MGAM2: variants seen among roughly 807,000 people sequenced by gnomAD.
The protein encoded by MGAM2 is maltase-glucoamylase 2 (putative).
Under a neutral mutation model 96.1 loss-of-function variants are expected in MGAM2, and 98 were observed. That is an observed-to-expected ratio of 1.02 (90% CI 0.87 to 1.21). The LOEUF is 1.21. MGAM2 is among the 50% of genes most tolerant of loss of function. The pLI, the probability that MGAM2 is intolerant of heterozygous loss-of-function variation, is 0.00. For synonymous variants in MGAM2, 749 were observed against 414.8 expected (o/e 1.81, Z -9.79); for missense variants, 2,055 against 1,182.4 (o/e 1.74, Z -10.82).
chr7:142,124,340 C>A (rs1206180017), intron 3 of MGAM2, among the ~76,000 whole-genome samples: 1 of 151,966 alleles, frequency 6.6e-6, no homozygotes, highest in Non-Finnish European at 1.5e-5. Flanking sequence ...ATCTTTTTCC[C>A]TCTGCATTTT....
intron 37 of MGAM2, among the ~76,000 whole-genome samples, chr7:142,194,687 C>CGTGTGTGTGT (rs201949167): frequency 8.5e-5 from 10 of 118,230 alleles, no homozygotes; most frequent in Admixed American, 5.8e-4. Flanking sequence ...TTTAATAGAA[C>CGTGTGTGTGT]ATGTGTGTAT....
chr7:142,138,138 C>G (rs752564547), intron 9 of MGAM2, among the ~76,000 whole-genome samples: 8 of 152,190 alleles, frequency 5.3e-5, no homozygotes, highest in Non-Finnish European at 8.8e-5. Flanking sequence ...TTACCCTTTG[C>G]ACACACCACT....
chr7:142,165,190 C>A (rs1563270177), intron 24 of MGAM2, among the ~76,000 whole-genome samples, 167 bp downstream of exon 24: 2 of 152,132 alleles, frequency 1.3e-5, no homozygotes, highest in Admixed American at 6.5e-5. Flanking sequence ...TAAAGAAAGA[C>A]CTCTCTGCTT....
chr7:142,180,087 G>A (rs1055820483), intron 32 of MGAM2, among the ~76,000 whole-genome samples: 2 of 152,098 alleles, frequency 1.3e-5, no homozygotes, highest in African/African-American at 4.8e-5. Flanking sequence ...AGTCTTGGGA[G>A]GTTGTGTGTT....
At chr7:142,157,148 A>T (rs1311403968) in intron 17 of MGAM2, among the ~76,000 whole-genome samples, 1 of 152,208 alleles carries the variant, frequency 6.6e-6, no homozygotes, top group Non-Finnish European at 1.5e-5. Context: ...ATACAAGCAC[A>T]TGGAAAGGAA....
intron 35 of MGAM2, among the ~76,000 whole-genome samples, chr7:142,186,991 T>G (rs921771383): frequency 4.0e-5 from 6 of 151,796 alleles, no homozygotes; most frequent in African/African-American, 1.5e-4. Flanking sequence ...GGGAAAGCTG[T>G]AGCTGGGTAA....
intron 33 of MGAM2, among the ~76,000 whole-genome samples, chr7:142,184,238 G>T (rs57983594): frequency 6.6e-6 from 1 of 151,886 alleles, no homozygotes; most frequent in Non-Finnish European, 1.5e-5. Context: ...CTCCCAAAGC[G>T]CTGGGATTAC....
At chr7:142,192,204 A>G (rs1332228214) in intron 37 of MGAM2, among the ~76,000 whole-genome samples, 2 of 152,128 alleles carry the variant, frequency 1.3e-5, no homozygotes, top group East Asian at 1.9e-4. Flanking sequence ...CAGGGGCAAC[A>G]TGGTCTTCCA....
At chr7:142,135,859 T>C (rs1321062121) in intron 7 of MGAM2, among the ~76,000 whole-genome samples, 1 of 152,116 alleles carries the variant, frequency 6.6e-6, no homozygotes, top group Non-Finnish European at 1.5e-5. Context: ...ACTTAAGTAT[T>C]ATATGGTAAC....
Position 142,220,936 on chromosome 7 carries a change from G to T in MGAM2, c.6425G>T (p.Ser2142Ile). The T allele has an allele frequency of 1.4e-6, 1 of 701,500 alleles. No homozygotes were observed. The highest frequency in any genetic ancestry group is 2.6e-6 in the Non-Finnish European group (1 of 384,594). The allele number at this position is 701,500 out of a possible 1,614,324, so 43.5% of individuals were successfully genotyped here. The change falls in exon 48 of 48, where the codon AGT becomes ATT. Residue 2142 changes from serine (S) to isoleucine (I), a missense_variant. By Grantham distance (142) the Ser-to-Ile change is moderately radical. Coordinates refer to ENST00000477922, the MANE Select transcript of MGAM2 (RefSeq NM_001293626.2). ...VSTSTTINNI[S>I]TPVQTNTTNA... ...ACTAGTACTACTATTAATAATATAA[G>T]TACTCCTGTTCAAACAAATACTACT...
intron 26 of MGAM2, among the ~76,000 whole-genome samples, chr7:142,169,250 C>G (rs907346947): frequency 1.3e-5 from 2 of 151,956 alleles, no homozygotes; most frequent in Non-Finnish European, 2.9e-5. Context: ...GGTAAAACCC[C>G]GTCCCTACTA....
intron 45 of MGAM2, among the ~76,000 whole-genome samples, chr7:142,200,235 C>G (rs1797180567): frequency 6.6e-6 from 1 of 152,180 alleles, no homozygotes; most frequent in African/African-American, 2.4e-5. Context: ...AACTGTCTCA[C>G]TCTTGATTTA....
intron 37 of MGAM2, among the ~76,000 whole-genome samples, chr7:142,190,202 G>C (rs921750149): frequency 6.6e-6 from 1 of 151,150 alleles, no homozygotes; most frequent in Non-Finnish European, 1.5e-5. Context: ...GTGTCATATA[G>C]GAACTGTATT....
chr7:142,120,202 G>T (rs1477591411), intron 2 of MGAM2, 100 bp from the exon 3 acceptor site: 2 of 657,438 alleles, frequency 3.0e-6, no homozygotes, highest in East Asian at 2.7e-5. Flanking sequence ...GTGATCTGTT[G>T]TGTGGAGAAT....
intron 12 of MGAM2, 46 bp downstream of exon 12, chr7:142,141,165 G>T (rs781314606): frequency 2.3e-5 from 16 of 684,846 alleles, no homozygotes; most frequent in Non-Finnish European, 4.0e-5. Context: ...GTTTTGGGGA[G>T]TTGTACTTTT....
At chr7:142,131,138 TA>T (rs1794874301) in intron 4 of MGAM2, 67 bp downstream of exon 4, 1 of 676,768 alleles carries the variant, frequency 1.5e-6, no homozygotes, top group African/African-American at 1.8e-5. Context: ...AACTGCAAAA[TA>T]AAATAAAAGC....
intron 47 of MGAM2, among the ~76,000 whole-genome samples, chr7:142,219,370 T>A (rs186109086): frequency 2.6e-5 from 4 of 152,320 alleles, no homozygotes; most frequent in Non-Finnish European, 4.4e-5. Flanking sequence ...TAAAGCATTT[T>A]ACCTGGACTA....
At chr7:142,168,427 G>A (rs535812644) in intron 26 of MGAM2, among the ~76,000 whole-genome samples, 167 of 152,156 alleles carry the variant, frequency 1.1e-3, no homozygotes, top group African/African-American at 3.8e-3. Flanking sequence ...CCGCCTCCAC[G>A]CCCAGCTAAT....
At chr7:142,188,890 C>T (rs1796783300) in intron 36 of MGAM2, among the ~76,000 whole-genome samples, 1 of 152,160 alleles carries the variant, frequency 6.6e-6, no homozygotes, top group African/African-American at 2.4e-5. Context: ...TTTCAAGTTA[C>T]AGTATTTTCA....
Sources: gnomAD v4.1 joint callset for allele counts (sites outside exome capture counted in the v4.1 genomes callset) on GRCh38, gnomAD v4.1.1 for gene constraint, MANE v1.5 for transcripts, NCBI Gene and HGNC (gene_info 2026-07-23, HGNC 2026-07-21) for gene names.